Variants in MRPL3 observed in about 807,000 individuals in gnomAD.
MRPL3 encodes mitochondrial ribosomal protein L3.
In MRPL3, 43 loss-of-function variants were observed where a neutral mutation model predicts 44.3. The ratio of observed to expected loss-of-function variants is 0.97; its 90% CI spans 0.76 to 1.25. The LOEUF is 1.25. MRPL3 is among the 50% of genes most tolerant of loss of function. MRPL3 has a pLI of 0.00. For missense variants in MRPL3, 406 were observed against 427.6 expected (o/e 0.95, Z 0.45); for synonymous variants, 171 against 152.3 (o/e 1.12, Z -0.91).
chr3:131,471,441 A>ATTCTT (rs1226288593), intron 6 of MRPL3, 162 bp from the exon 7 acceptor site: 1 of 588,754 alleles, frequency 1.7e-6, no homozygotes, highest in Non-Finnish European at 3.0e-6. Flanking sequence ...GCAAATAAAT[A>ATTCTT]TTCCTTTATC....
At chr3:131,500,566 A>G in intron 2 of MRPL3, 45 bp from the exon 3 acceptor site, 1 of 1,478,972 alleles carries the variant, frequency 6.8e-7, no homozygotes. Context: ...CTTTTGCAAC[A>G]TTCACCAACA....
intron 6 of MRPL3, among the ~76,000 whole-genome samples, chr3:131,475,512 C>T (rs1401633242): frequency 1.3e-5 from 2 of 152,152 alleles, no homozygotes; most frequent in Non-Finnish European, 2.9e-5. Flanking sequence ...TGATACATTA[C>T]ATGTATGACT....
chr3:131,468,767 T>C (rs1036472345), intron 8 of MRPL3, among the ~76,000 whole-genome samples: 6 of 151,894 alleles, frequency 4.0e-5, no homozygotes, highest in Non-Finnish European at 7.4e-5. Flanking sequence ...ATACAGCAAA[T>C]AGATGGTCTC....
intron 4 of MRPL3, among the ~76,000 whole-genome samples, chr3:131,494,543 C>T (rs1265069484): frequency 6.6e-6 from 1 of 152,114 alleles, no homozygotes; most frequent in African/African-American, 2.4e-5. Context: ...TATCTGGAAG[C>T]TTCTGAGGAA....
chr3:131,473,754 T>C (rs574082413), intron 6 of MRPL3, among the ~76,000 whole-genome samples: 1 of 151,166 alleles, frequency 6.6e-6, no homozygotes, highest in African/African-American at 2.4e-5. Context: ...ATGAGCAAAA[T>C]ATCTTAACAC....
rs766005571 is a variant in MRPL3, at chr3:131,501,674, C to T, written c.134G>A (p.Ser45Asn). ...WLFVRGLHGK[S>N]GTWWDEHLSE... is the part of the protein sequence containing the mutation. ...AAGATGCTCATCCCACCATGTACCA[C>T]TCTTTCCATGAAGACCTCTAACAAA... The change falls in exon 2 of 10, where the codon AGT (serine) becomes AAT (asparagine). Residue 45 changes from serine to asparagine, a missense_variant. Physicochemically the swap from Ser to Asn is conservative, Grantham distance 46. Coordinates refer to ENST00000264995, the MANE Select transcript of MRPL3 (RefSeq NM_007208.4). 2 of 1,613,948 alleles carry T rather than the reference C, an allele frequency of 1.2e-6. No homozygotes were observed. The highest frequency in any genetic ancestry group is 1.7e-4 in the Middle Eastern group (1 of 5,962).
chr3:131,486,752 A>G (rs1334552006), intron 6 of MRPL3, among the ~76,000 whole-genome samples: 3 of 152,198 alleles, frequency 2.0e-5, no homozygotes, highest in African/African-American at 4.8e-5. Flanking sequence ...CAAAACCACA[A>G]TGAGATACCA....
At chr3:131,469,234 GCACACA>G (rs145773394) in intron 8 of MRPL3, among the ~76,000 whole-genome samples, 3 of 135,920 alleles carry the variant, frequency 2.2e-5, no homozygotes, top group Admixed American at 7.3e-5. Context: ...ACACACACAC[GCACACA>G]CACACACACA....
intron 4 of MRPL3, 194 bp downstream of exon 4, chr3:131,497,985 G>C (rs1648179474): frequency 1.7e-6 from 1 of 581,196 alleles, no homozygotes; most frequent in Admixed American, 3.2e-5. Flanking sequence ...TACAGGGAGA[G>C]GTATTAGAAC....
chr3:131,498,701 C>CAAA (rs71133698), intron 3 of MRPL3, among the ~76,000 whole-genome samples: 56 of 81,402 alleles, frequency 6.9e-4, no homozygotes, highest in Middle Eastern at 6.7e-3. Context: ...GACTCCGTCT[C>CAAA]AAAAAAAAAA....
intron 6 of MRPL3, among the ~76,000 whole-genome samples, chr3:131,484,938 T>C (rs910293062): frequency 1.3e-5 from 2 of 152,148 alleles, no homozygotes; most frequent in African/African-American, 4.8e-5. Context: ...CCACTGTTAA[T>C]ACAGTAAAAG....
chr3:131,480,017 C>A (rs1933944938), intron 6 of MRPL3, among the ~76,000 whole-genome samples: 1 of 152,112 alleles, frequency 6.6e-6, no homozygotes, highest in African/African-American at 2.4e-5. Context: ...ACAAAAAATT[C>A]TAATAAACAA....
intron 3 of MRPL3, among the ~76,000 whole-genome samples, chr3:131,498,833 CT>C (rs1185721108): frequency 3.9e-5 from 6 of 152,164 alleles, no homozygotes; most frequent in Admixed American, 1.3e-4. Flanking sequence ...GTGTGTGTCT[CT>C]TCCCAATCAC....
intron 6 of MRPL3, among the ~76,000 whole-genome samples, chr3:131,478,704 T>A (rs1162184607): frequency 2.2e-5 from 3 of 134,402 alleles, no homozygotes; most frequent in African/African-American, 8.5e-5. Context: ...CTGTGAAATA[T>A]TCGATTTTTT....
intron 6 of MRPL3, among the ~76,000 whole-genome samples, chr3:131,477,175 T>C (rs2110700608): frequency 6.6e-6 from 1 of 152,330 alleles, no homozygotes. Context: ...CATTGCATGA[T>C]TCTGGATATA....
intron 6 of MRPL3, among the ~76,000 whole-genome samples, chr3:131,482,213 C>G (rs895066931): frequency 2.6e-5 from 4 of 152,066 alleles, no homozygotes; most frequent in African/African-American, 4.8e-5. Context: ...CCTCCACCCC[C>G]CTCCCCTTAA....
chr3:131,490,578 T>C (rs979084667), intron 4 of MRPL3, among the ~76,000 whole-genome samples: 2 of 152,236 alleles, frequency 1.3e-5, no homozygotes, highest in Non-Finnish European at 2.9e-5. Context: ...TTTCACACTC[T>C]ATAAGAAAAC....
intron 6 of MRPL3, among the ~76,000 whole-genome samples, chr3:131,481,716 CATTTT>C (rs1933992916): frequency 6.6e-6 from 1 of 152,214 alleles, no homozygotes; most frequent in African/African-American, 2.4e-5. Context: ...TCCAATCATT[CATTTT>C]GACTGATTTA....
In MRPL3 at chr3:131,489,972, T is replaced by C. The variant is rs775306536; in HGVS notation, c.568+9A>G. The C allele has an allele frequency of 1.3e-6, 2 of 1,577,838 alleles. No homozygotes were observed. Among genetic ancestry groups the C allele is most frequent in the Non-Finnish European group, 1.7e-6 (2 of 1,148,872 alleles). The stretch of plus-strand genomic sequence containing the variant: ...TTTTACCTCCCTCCTCTCCCCAACC[T>C]CAAATTACCTGGTTTAATTGCAGCA... On this transcript the variant is annotated intron_variant, in intron 5 of 9. Coordinates refer to ENST00000264995, the MANE Select transcript of MRPL3 (RefSeq NM_007208.4).
Sources: gnomAD v4.1 joint callset for allele counts (sites outside exome capture counted in the v4.1 genomes callset) on GRCh38, gnomAD v4.1.1 for gene constraint, MANE v1.5 for transcripts, NCBI Gene and HGNC (gene_info 2026-07-23, HGNC 2026-07-21) for gene names.